DPF3: variants seen among roughly 807,000 people sequenced by gnomAD.
DPF3 encodes the protein double PHD fingers 3, also known as zinc finger protein DPF3.
Under a neutral mutation model 56.8 loss-of-function variants are expected in DPF3, and 18 were observed. That is an observed-to-expected ratio of 0.32 (90% CI 0.22 to 0.47). DPF3 has a LOEUF of 0.47. Ranked by LOEUF, DPF3 falls within the 20% of genes least tolerant of loss-of-function variation. The pLI is 1.00. For synonymous variants in DPF3, 188 were observed against 180.2 expected, an observed-to-expected ratio of 1.04 and a Z score of -0.35; for missense variants, 403 against 488.8, an observed-to-expected ratio of 0.82 and a Z score of 1.65.
intron 8 of DPF3, among the ~76,000 whole-genome samples, chr14:72,651,672 C>T (rs1401586243): frequency 1.4e-5 from 2 of 144,234 alleles, no homozygotes; most frequent in Admixed American, 1.5e-4. Context: ...AGTAGTACAA[C>T]CAAATGATGT....
At chr14:72,629,039 A>C (rs1230433307) in intron 9 of DPF3, among the ~76,000 whole-genome samples, 3 of 152,192 alleles carry the variant, frequency 2.0e-5, no homozygotes, top group Non-Finnish European at 4.4e-5. Context: ...TAATAGAAAC[A>C]TTTATGAGAC....
Position 72,820,221 on chromosome 14 carries a change from A to G in DPF3, c.33-48328T>C, listed in dbSNP as rs1254219019. Among the ~76,000 whole-genome samples, 12 of 152,342 alleles carry G rather than the reference A, an allele frequency of 7.9e-5. No individual in the cohort carries two copies. In the South Asian group the frequency reaches 2.5e-3, roughly 32 times the overall value. ...GCAAACTGGGGAAAATATTTGCCAC[A>G]TGTATGACAAATTAATATTCTTAAT... On this transcript the variant is annotated intron_variant, in intron 1 of 10. Transcript: ENST00000556509.
chr14:72,879,996 T>C, intron 1 of DPF3: 5 of 1,440,332 alleles, frequency 3.5e-6, no homozygotes, highest in Non-Finnish European at 4.6e-6. Context: ...CAAGACTGAG[T>C]AGCCTGCACA....
At position 72,671,546 on chromosome 14, in the gene DPF3, A is replaced by G. The variant is rs1886677630; in HGVS notation, c.871+2694T>C. On this transcript the variant is annotated intron_variant, in intron 8 of 10. Coordinates refer to ENST00000556509, the MANE Select transcript of DPF3 (RefSeq NM_001280542.3). ...GAAGAGGCTTCCCCCACTCCCCGAA[A>G]AGGCATCATCTCTACCATAGTACAT... is the stretch of plus-strand genomic sequence containing the variant. The G allele has an allele frequency of 9.2e-6, 7 of 763,010 alleles. No individual in the cohort carries two copies. In the Admixed American group the frequency reaches 1.2e-4, roughly 13 times the overall value. 47.3% of individuals were successfully genotyped at this position (763,010 alleles called of 1,614,324 possible).
chr14:72,735,418 C>T (rs1889850564), intron 3 of DPF3, among the ~76,000 whole-genome samples: 1 of 152,198 alleles, frequency 6.6e-6, no homozygotes, highest in Non-Finnish European at 1.5e-5. Context: ...CTCCATCCTG[C>T]TTTCCCATAA....
Position 72,614,594 on chromosome 14 carries a change from G to A in DPF3, c.*4703C>T, listed in dbSNP as rs1427091257. Among the ~76,000 whole-genome samples, 1 of 151,854 alleles carries A rather than the reference G, an allele frequency of 6.6e-6. No homozygotes were observed. Among genetic ancestry groups the A allele is most frequent in the Non-Finnish European group, 1.5e-5 (1 of 67,970 alleles). On this transcript the variant is annotated 3_prime_UTR_variant, in exon 11 of 11. Transcript: ENST00000556509. ...AGGCATGATCCAGCCCTCCCTCACT[G>A]CCTTCTCTCCCCAGCTGGGTGAGGG... is the stretch of plus-strand genomic sequence containing the variant.
At position 72,838,908 on chromosome 14, in the gene DPF3, C is replaced by CTTTTTTTTTTTTTTTTT. The variant is rs376458640; in HGVS notation, c.32+55132_32+55148dup. Among the ~76,000 whole-genome samples, 13 of 78,586 alleles carry CTTTTTTTTTTTTTTTTT rather than the reference C, an allele frequency of 1.7e-4. 2 individuals carry two copies. The highest frequency in any genetic ancestry group is 7.6e-4 in the African/African-American group (11 of 14,410). The allele number at this position is 78,586 out of a possible 152,430, so 51.6% of individuals were successfully genotyped here. On this transcript the variant is annotated intron_variant, in intron 1 of 10. Transcript: ENST00000556509. ...TATCATATATATTATCATATATATT[C>CTTTTTTTTTTTTTTTTT]TTTTTTTTTTTTTTTTTTTTTTTTT...
At chr14:72,756,869 A>AAAGAAAGAAAGAAAGAAAGG (rs1555503988) in intron 2 of DPF3, among the ~76,000 whole-genome samples, 109 of 95,662 alleles carry the variant, frequency 1.1e-3, no homozygotes, top group East Asian at 5.4e-3. Flanking sequence ...AGAAAGAAAG[A>AAAGAAAGAAAGAAAGAAAGG]AAGGAAGGAA....
At chr14:72,654,107 C>A (rs1885997749) in intron 8 of DPF3, among the ~76,000 whole-genome samples, 1 of 152,136 alleles carries the variant, frequency 6.6e-6, no homozygotes. Flanking sequence ...CGTGGCCAGC[C>A]TCCTCCTTCC....
rs1343959735 is a variant in DPF3 at position 72,609,252 on chromosome 14, T to A, written c.*10045A>T. Among the ~76,000 whole-genome samples, 2 of 152,096 alleles carry A rather than the reference T, an allele frequency of 1.3e-5. No homozygotes were observed. Among genetic ancestry groups the A allele is most frequent in the Admixed American group, 1.3e-4 (2 of 15,276 alleles). On this transcript the variant is annotated 3_prime_UTR_variant, in exon 11 of 11. Transcript: ENST00000556509. ...GGCTGCTCGATCCCCACATTCTTCA[T>A]CTCATCAGCGACAGGTCTCCCTCCC...
chr14:72,691,488 G>C, intron 7 of DPF3, among the ~76,000 whole-genome samples: 1 of 152,192 alleles, frequency 6.6e-6, no homozygotes, highest in Admixed American at 6.5e-5. Context: ...CAGCCCTTTG[G>C]GAAGCCAAGG....
chr14:72,811,242 C>T (rs559535891), intron 1 of DPF3, among the ~76,000 whole-genome samples: 1 of 152,364 alleles, frequency 6.6e-6, no homozygotes, highest in East Asian at 1.9e-4. Flanking sequence ...TCACCTCCAA[C>T]ATTGGGAATC....
chr14:72,696,390 G>C (rs1370095741), intron 6 of DPF3, among the ~76,000 whole-genome samples: 1 of 152,198 alleles, frequency 6.6e-6, no homozygotes, highest in Non-Finnish European at 1.5e-5. Context: ...ACCAGTCAAA[G>C]CAGGCATTTC....
intron 8 of DPF3, among the ~76,000 whole-genome samples, chr14:72,642,843 T>C (rs1885602276): frequency 6.6e-6 from 1 of 152,206 alleles, no homozygotes. Context: ...GCCAAACTGA[T>C]ATGAGCAGAG....
intron 1 of DPF3, among the ~76,000 whole-genome samples, chr14:72,849,407 G>T (rs1262402200): frequency 6.6e-6 from 1 of 152,154 alleles, no homozygotes; most frequent in African/African-American, 2.4e-5. Flanking sequence ...TCCCTGGGCT[G>T]CCCCGGCTGC....
chr14:72,734,603 T>A (rs1889810682), intron 3 of DPF3, among the ~76,000 whole-genome samples: 1 of 152,190 alleles, frequency 6.6e-6, no homozygotes, highest in South Asian at 2.1e-4. Context: ...ACTAAATAAA[T>A]CCTATTTATT....
At chr14:72,640,078 A>AAAT in intron 8 of DPF3, among the ~76,000 whole-genome samples, 1 of 119,114 alleles carries the variant, frequency 8.4e-6, no homozygotes, top group South Asian at 2.6e-4. Flanking sequence ...AAAAAAAAAA[A>AAAT]AATGGAAACA....
intron 8 of DPF3, chr14:72,670,575 T>G (rs1321407531): frequency 3.0e-6 from 3 of 986,930 alleles, no homozygotes; most frequent in Non-Finnish European, 3.6e-6. Context: ...ATTGAGGAAA[T>G]TCTCCCCACC....
chr14:72,652,942 A>G (rs771084774), intron 8 of DPF3, among the ~76,000 whole-genome samples: 9 of 152,030 alleles, frequency 5.9e-5, no homozygotes, highest in Non-Finnish European at 8.8e-5. Flanking sequence ...CTCACATCCA[A>G]TTGTTTTTCC....
Sources: allele counts gnomAD v4.1 joint callset (sites outside exome capture counted in the v4.1 genomes callset), GRCh38; gene constraint gnomAD v4.1.1; transcripts MANE v1.5; gene names NCBI Gene and HGNC (gene_info 2026-07-23, HGNC 2026-07-21).